Variants in ESRRG observed in about 807,000 individuals in gnomAD.
The protein encoded by ESRRG is estrogen related receptor gamma.
A neutral mutation model predicts 44.0 loss-of-function variants in ESRRG; 13 were observed. That is an observed-to-expected ratio of 0.30 (90% confidence interval 0.19 to 0.47). The LOEUF (loss-of-function observed/expected upper bound fraction) is 0.47. Ranked by LOEUF, ESRRG falls within the 20% of genes least tolerant of loss-of-function variation. The pLI is 1.00. For missense variants in ESRRG, 395 were observed against 580.6 expected, an observed-to-expected ratio of 0.68 and a Z score of 3.29; for synonymous variants, 215 against 214.6, an observed-to-expected ratio of 1.00 and a Z score of -0.02.
At chr1:216,889,643 C>G (rs962358985) in intron 2 of ESRRG, among the ~76,000 whole-genome samples, 4 of 152,172 alleles carry the variant, frequency 2.6e-5, no homozygotes, top group Admixed American at 6.5e-5. Flanking sequence ...AAGGGCACCA[C>G]TTTTAGCAAT....
intron 2 of ESRRG, among the ~76,000 whole-genome samples, chr1:216,674,880 T>G (rs2075820095): frequency 6.6e-6 from 1 of 151,978 alleles, no homozygotes; most frequent in African/African-American, 2.4e-5. Context: ...CCCAAAGTGG[T>G]GGGATTACAG....
At chr1:217,020,595 A>G (rs887588673) in intron 1 of ESRRG, among the ~76,000 whole-genome samples, 3 of 152,184 alleles carry the variant, frequency 2.0e-5, no homozygotes, top group East Asian at 1.9e-4. Flanking sequence ...AAGCACAATT[A>G]CAGAGTTTAG....
chr1:216,553,398 G>C (rs1168616339), intron 5 of ESRRG, among the ~76,000 whole-genome samples: 1 of 152,180 alleles, frequency 6.6e-6, no homozygotes, highest in Admixed American at 6.5e-5. Context: ...AAACTGGGTA[G>C]GTGTGTTGCT....
intron 2 of ESRRG, among the ~76,000 whole-genome samples, chr1:216,878,696 G>A (rs575782446): frequency 2.6e-5 from 4 of 152,120 alleles, no homozygotes; most frequent in South Asian, 2.1e-4. Flanking sequence ...TTTAGTAAAC[G>A]TTTCACAATT....
intron 2 of ESRRG, among the ~76,000 whole-genome samples, chr1:216,751,879 G>T (rs1427418612): frequency 6.6e-6 from 1 of 152,052 alleles, no homozygotes; most frequent in Non-Finnish European, 1.5e-5. Context: ...CTGTGGCTGA[G>T]CTCTCTGGCA....
At chr1:216,515,292 T>G (rs2043903439) in intron 6 of ESRRG, among the ~76,000 whole-genome samples, 1 of 152,078 alleles carries the variant, frequency 6.6e-6, no homozygotes, top group Non-Finnish European at 1.5e-5. Flanking sequence ...TATGTATGTA[T>G]GTGTATATAT....
intron 1 of ESRRG, among the ~76,000 whole-genome samples, chr1:217,121,451 T>C (rs558925063): frequency 1.3e-5 from 2 of 152,224 alleles, no homozygotes; most frequent in East Asian, 3.9e-4. Context: ...ATGTCCTTGA[T>C]AGGTTGATAC....
chr1:217,118,533 C>A (rs2092769848), intron 1 of ESRRG, among the ~76,000 whole-genome samples: 1 of 152,136 alleles, frequency 6.6e-6, no homozygotes, highest in East Asian at 1.9e-4. Flanking sequence ...TTCAAGTAAG[C>A]CACTGTTCCC....
At chr1:216,985,402 G>A (rs1560368228) in intron 1 of ESRRG, among the ~76,000 whole-genome samples, 1 of 152,182 alleles carries the variant, frequency 6.6e-6, no homozygotes, top group African/African-American at 2.4e-5. Flanking sequence ...GCTGGAGAAG[G>A]AAGAGGTAGT....
intron 2 of ESRRG, among the ~76,000 whole-genome samples, chr1:216,777,372 G>A (rs929631926): frequency 2.0e-5 from 3 of 152,080 alleles, no homozygotes; most frequent in Admixed American, 6.6e-5. Flanking sequence ...AGCGCAACAC[G>A]AAAACTCTCT....
intron 2 of ESRRG, among the ~76,000 whole-genome samples, chr1:216,789,634 T>G (rs2094248583): frequency 6.6e-6 from 1 of 152,124 alleles, no homozygotes; most frequent in Non-Finnish European, 1.5e-5. Flanking sequence ...ACTGATTAGA[T>G]TTTGGAATCT....
At chr1:216,744,435 A>T (rs942825594) in intron 2 of ESRRG, among the ~76,000 whole-genome samples, 5 of 151,820 alleles carry the variant, frequency 3.3e-5, no homozygotes, top group African/African-American at 1.2e-4. Context: ...AATCAACTCC[A>T]TCCCATCTGA....
chr1:216,893,141 T>G (rs1256680318), intron 2 of ESRRG, among the ~76,000 whole-genome samples: 3 of 152,172 alleles, frequency 2.0e-5, no homozygotes, highest in Admixed American at 2.0e-4. Context: ...TGGGACCGGC[T>G]TCCAAGCTTT....
At chr1:216,940,798 A>T (rs2065095327) in intron 1 of ESRRG, among the ~76,000 whole-genome samples, 2 of 152,200 alleles carry the variant, frequency 1.3e-5, no homozygotes, top group African/African-American at 2.4e-5. Flanking sequence ...AAAATGCTTG[A>T]CAAATAAACT....
rs1243755055 is a variant in ESRRG, at chr1:217,032,066, T to C, written c.-106+57441A>G. ...TAAGGTGCTAAATTCAGGACTGTCC[T>C]GGGCAAACCAGAATGAGTTGGTCAC... On this transcript the variant is annotated intron_variant, in intron 1 of 7. Coordinates refer to the ESRRG transcript ENST00000359162. Among the ~76,000 whole-genome samples the C allele has an allele frequency of 2.6e-5, 4 of 152,332 alleles. No homozygotes were observed. The East Asian group carries it at 7.7e-4, about 29-fold the overall frequency.
At chr1:216,836,429 T>C (rs183990067) in intron 2 of ESRRG, among the ~76,000 whole-genome samples, 45 of 152,308 alleles carry the variant, frequency 3.0e-4, no homozygotes, top group Non-Finnish European at 5.4e-4. Flanking sequence ...CAGTAAGCCA[T>C]TGAATTTAAC....
chr1:216,730,247 G>C (rs2088466431), intron 2 of ESRRG, among the ~76,000 whole-genome samples: 1 of 128,432 alleles, frequency 7.8e-6, no homozygotes, highest in African/African-American at 3.0e-5. Flanking sequence ...GAACCTAAGA[G>C]ATAAATATCC....
intron 1 of ESRRG, among the ~76,000 whole-genome samples, chr1:216,953,878 A>G (rs1441430464): frequency 1.3e-5 from 2 of 152,248 alleles, no homozygotes; most frequent in East Asian, 3.9e-4. Context: ...TATTAAAACA[A>G]TCATATGGTT....
intron 1 of ESRRG, among the ~76,000 whole-genome samples, chr1:217,070,186 G>T (rs768244159): frequency 6.6e-6 from 1 of 152,048 alleles, no homozygotes; most frequent in Non-Finnish European, 1.5e-5. Flanking sequence ...ACATAACTCA[G>T]TTTCTTCATC....
Sources: allele counts gnomAD v4.1 joint callset (sites outside exome capture counted in the v4.1 genomes callset), GRCh38; gene constraint gnomAD v4.1.1; transcripts MANE v1.5; gene names NCBI Gene and HGNC (gene_info 2026-07-23, HGNC 2026-07-21).